Variants in HDAC9 observed in about 807,000 individuals in gnomAD.
HDAC9 encodes the protein MEF-2 interacting transcription repressor (MITR) protein.
A neutral mutation model predicts 139.4 loss-of-function variants in HDAC9; 41 were observed. That is an observed-to-expected ratio of 0.29 (90% CI 0.23 to 0.38). The LOEUF is 0.38. HDAC9 is among the 10% of genes least tolerant of loss of function. The pLI, the probability that HDAC9 is intolerant of heterozygous loss-of-function variation, is 1.00. For synonymous variants in HDAC9, 517 were observed against 476.2 expected (o/e 1.09, Z -1.12); for missense variants, 1,147 against 1,297.0 (o/e 0.88, Z 1.78).
At chr7:18,654,035 A>T (rs1790251124) in intron 11 of HDAC9, among the ~76,000 whole-genome samples, 1 of 152,158 alleles carries the variant, frequency 6.6e-6, no homozygotes, top group Non-Finnish European at 1.5e-5. Flanking sequence ...GAAGGCAGTT[A>T]TAATGTAGAA....
chr7:18,903,943 C>A (rs982015291), intron 22 of HDAC9, among the ~76,000 whole-genome samples: 5 of 152,062 alleles, frequency 3.3e-5, no homozygotes, highest in Non-Finnish European at 7.4e-5. Flanking sequence ...TCCACATGAC[C>A]CTTACACAAC....
rs111300012 is a variant in HDAC9 at position 18,251,907 on chromosome 7, G to A, written c.25+89558G>A. Among the ~76,000 whole-genome samples the A allele has an allele frequency of 5.8e-4, 88 of 152,244 alleles. 2 individuals carry two copies. The highest frequency in any genetic ancestry group is 2.0e-3 in the African/African-American group (83 of 41,548). Reference sequence around the variant, plus strand: ...TTATGGTTAGATGAGTTAAAGGAGGGAAATTAGATGCACTGTATATACGTA... The same window carrying A: ...TTATGGTTAGATGAGTTAAAGGAGGAAAATTAGATGCACTGTATATACGTA... On this transcript the variant is annotated intron_variant, in intron 2 of 12. Transcript: ENST00000417496.
intron 8 of HDAC9, among the ~76,000 whole-genome samples, chr7:18,638,750 G>A (rs1178209815): frequency 6.6e-6 from 1 of 152,030 alleles, no homozygotes; most frequent in African/African-American, 2.4e-5. Flanking sequence ...GTCTCCATCT[G>A]CTCTGACCAC....
intron 2 of HDAC9, among the ~76,000 whole-genome samples, chr7:18,241,013 G>A (rs569260222): frequency 4.6e-5 from 7 of 152,276 alleles, no homozygotes; most frequent in South Asian, 2.1e-4. Context: ...AGTCCAGACC[G>A]TGAGATCTTT....
intron 1 of HDAC9, among the ~76,000 whole-genome samples, chr7:18,298,117 G>C (rs1798267367): frequency 6.6e-6 from 1 of 152,048 alleles, no homozygotes; most frequent in Non-Finnish European, 1.5e-5. Flanking sequence ...TCTTCACTGG[G>C]GGTTTCACTG....
intron 1 of HDAC9, among the ~76,000 whole-genome samples, chr7:18,477,228 A>G (rs1229979008): frequency 6.6e-6 from 1 of 152,204 alleles, no homozygotes; most frequent in African/African-American, 2.4e-5. Flanking sequence ...CTAATCTGCA[A>G]TCTACTATAT....
intron 1 of HDAC9, among the ~76,000 whole-genome samples, chr7:18,299,577 T>C (rs910547874): frequency 2.6e-5 from 4 of 152,164 alleles, no homozygotes; most frequent in African/African-American, 9.7e-5. Context: ...GTGACATAAT[T>C]TGATTTTTTA....
intron 12 of HDAC9, 150 bp from the exon 13 acceptor site, chr7:18,727,430 C>T: frequency 1.6e-6 from 1 of 643,946 alleles, no homozygotes; most frequent in Non-Finnish European, 2.5e-6. Context: ...CTTGTTTTTT[C>T]TCTCCCTTTC....
intron 1 of HDAC9, among the ~76,000 whole-genome samples, chr7:18,090,529 C>T (rs1309399272): frequency 6.6e-6 from 1 of 152,216 alleles, no homozygotes; most frequent in East Asian, 1.9e-4. Context: ...TATCAACTAC[C>T]TACTGCCCTT....
intron 1 of HDAC9, among the ~76,000 whole-genome samples, chr7:18,478,160 C>T (rs894398718): frequency 1.3e-5 from 2 of 152,088 alleles, no homozygotes; most frequent in South Asian, 4.1e-4. Flanking sequence ...CAAGCTCCGC[C>T]TCCCGGGTTC....
At chr7:18,585,891 T>C (rs1829331021) in intron 3 of HDAC9, among the ~76,000 whole-genome samples, 1 of 152,104 alleles carries the variant, frequency 6.6e-6, no homozygotes, top group South Asian at 2.1e-4. Flanking sequence ...AGTCTACATG[T>C]ACTATTTGTG....
At chr7:18,096,550 C>T (rs1584014855) in intron 1 of HDAC9, among the ~76,000 whole-genome samples, 1 of 152,146 alleles carries the variant, frequency 6.6e-6, no homozygotes, top group African/African-American at 2.4e-5. Context: ...GTTTGAAATA[C>T]ACAGTTGCAA....
At chr7:18,238,784 G>C (rs566796629) in intron 2 of HDAC9, among the ~76,000 whole-genome samples, 19 of 152,274 alleles carry the variant, frequency 1.2e-4, no homozygotes, top group African/African-American at 4.6e-4. Context: ...CACACTTGAA[G>C]GAAAACCATA....
At chr7:18,603,297 A>G (rs1386813723) in intron 6 of HDAC9, among the ~76,000 whole-genome samples, 1 of 152,106 alleles carries the variant, frequency 6.6e-6, no homozygotes, top group East Asian at 1.9e-4. Context: ...ATTTAAAATG[A>G]TCATTAATAT....
At chr7:18,283,642 T>G (rs1197001630) in intron 2 of HDAC9, among the ~76,000 whole-genome samples, 1 of 152,212 alleles carries the variant, frequency 6.6e-6, no homozygotes. Flanking sequence ...AAGGTTTGCA[T>G]TTCATTTTTG....
intron 2 of HDAC9, among the ~76,000 whole-genome samples, chr7:18,521,483 G>A (rs963925993): frequency 6.6e-6 from 1 of 152,084 alleles, no homozygotes; most frequent in Non-Finnish European, 1.5e-5. Flanking sequence ...CCATCTATTT[G>A]ATTTGCACAC....
chr7:18,975,197 A>C (rs1784477420), intron 24 of HDAC9, among the ~76,000 whole-genome samples: 1 of 152,162 alleles, frequency 6.6e-6, no homozygotes, highest in Non-Finnish European at 1.5e-5. Flanking sequence ...TGACATATGG[A>C]TGGGCTCCAA....
At chr7:18,981,114 G>A (rs558887947) in intron 25 of HDAC9, among the ~76,000 whole-genome samples, 2 of 152,106 alleles carry the variant, frequency 1.3e-5, no homozygotes, top group South Asian at 2.1e-4. Context: ...GTGAGCCACC[G>A]TGCCCGGCCT....
chr7:18,208,767 G>A (rs957443716), intron 2 of HDAC9, among the ~76,000 whole-genome samples: 3 of 152,098 alleles, frequency 2.0e-5, no homozygotes, highest in South Asian at 2.1e-4. Context: ...CAATGAGAAG[G>A]AAAGCAAGCT....
Sources: gnomAD v4.1 joint callset for allele counts (sites outside exome capture counted in the v4.1 genomes callset) on GRCh38, gnomAD v4.1.1 for gene constraint, MANE v1.5 for transcripts, NCBI Gene and HGNC (gene_info 2026-07-23, HGNC 2026-07-21) for gene names.